AP1S3: variants seen among roughly 807,000 people sequenced by gnomAD.
AP1S3 encodes the protein AP-1 complex subunit sigma-3.
A neutral mutation model predicts 20.9 loss-of-function variants in AP1S3; 10 were observed. The ratio of observed to expected loss-of-function variants is 0.48; its 90% CI spans 0.29 to 0.81. AP1S3 has a LOEUF of 0.81. Among genes scored for constraint, AP1S3 ranks in the 30% least tolerant of loss-of-function variants. The probability of loss-of-function intolerance (pLI) is 0.08; values close to 1 mark genes in which losing one functional copy is unlikely to be tolerated. For synonymous variants in AP1S3, 41 were observed against 61.5 expected (o/e 0.67, Z 1.56); for missense variants, 154 against 183.8 (o/e 0.84, Z 0.94).
intron 1 of AP1S3, among the ~76,000 whole-genome samples, chr2:223,811,086 C>A (rs747742081): frequency 2.9e-4 from 41 of 139,632 alleles, no homozygotes; most frequent in Non-Finnish European, 5.6e-4. Context: ...GAGAAATTTA[C>A]CATCTTCACC....
intron 4 of AP1S3, among the ~76,000 whole-genome samples, chr2:223,759,313 T>C (rs1574680833): frequency 6.7e-6 from 1 of 150,272 alleles, no homozygotes; most frequent in Middle Eastern, 3.5e-3. Flanking sequence ...GAGAGAGAGA[T>C]TGAAATGCTA....
At chr2:223,796,004 C>T (rs1691328387) in intron 1 of AP1S3, among the ~76,000 whole-genome samples, 1 of 152,068 alleles carries the variant, frequency 6.6e-6, no homozygotes, top group Non-Finnish European at 1.5e-5. Context: ...GAAAGCCCTT[C>T]TCTACTAAAA....
intron 4 of AP1S3, among the ~76,000 whole-genome samples, chr2:223,762,320 T>A (rs1454405329): frequency 7.5e-6 from 1 of 133,274 alleles, no homozygotes; most frequent in African/African-American, 3.3e-5. Context: ...TCACCCAGGC[T>A]GGAGTGCAGT....
intron 1 of AP1S3, among the ~76,000 whole-genome samples, chr2:223,801,468 C>CT (rs1024930956): frequency 1.3e-5 from 2 of 151,888 alleles, no homozygotes; most frequent in African/African-American, 4.8e-5. Flanking sequence ...TCTCTTTTTT[C>CT]TTTTTTTGAG....
intron 1 of AP1S3, among the ~76,000 whole-genome samples, chr2:223,795,065 T>C (rs1691303459): frequency 6.6e-6 from 1 of 152,058 alleles, no homozygotes; most frequent in Non-Finnish European, 1.5e-5. Context: ...GGCTGACCAA[T>C]ATGGAGAAAC....
At chr2:223,792,418 C>T (rs1304486599) in intron 1 of AP1S3, among the ~76,000 whole-genome samples, 1 of 151,936 alleles carries the variant, frequency 6.6e-6, no homozygotes, top group Non-Finnish European at 1.5e-5. Context: ...ACAAACCTGA[C>T]AAAAATAAGC....
intron 3 of AP1S3, chr2:223,770,063 C>A (rs1690577604): frequency 8.0e-6 from 11 of 1,373,114 alleles, no homozygotes; most frequent in Non-Finnish European, 1.1e-5. Context: ...TTTTTAAAAA[C>A]CGTATATGTT....
intron 1 of AP1S3, among the ~76,000 whole-genome samples, chr2:223,813,784 G>T (rs1442133794): frequency 6.6e-6 from 1 of 152,168 alleles, no homozygotes; most frequent in African/African-American, 2.4e-5. Context: ...GGTAAGAAGG[G>T]AGGGGCAGCC....
At chr2:223,821,851 T>C (rs1691994085) in intron 1 of AP1S3, among the ~76,000 whole-genome samples, 2 of 152,214 alleles carry the variant, frequency 1.3e-5, no homozygotes, top group African/African-American at 4.8e-5. Flanking sequence ...TAGAGACATA[T>C]TATTATTTTC....
intron 3 of AP1S3, among the ~76,000 whole-genome samples, chr2:223,768,408 C>A (rs1690531939): frequency 6.6e-6 from 1 of 152,196 alleles, no homozygotes; most frequent in African/African-American, 2.4e-5. Flanking sequence ...CTTACATCTT[C>A]TGTGCACTAG....
chr2:223,834,087 T>C, intron 1 of AP1S3, among the ~76,000 whole-genome samples: 1 of 152,204 alleles, frequency 6.6e-6, no homozygotes, highest in South Asian at 2.1e-4. Context: ...TTTGTATTTT[T>C]AGTAGAGACA....
chr2:223,821,685 C>T (rs73991876), intron 1 of AP1S3, among the ~76,000 whole-genome samples: 21,257 of 152,098 alleles, frequency 0.14, 2,059 homozygotes, highest in East Asian at 0.41. Flanking sequence ...CCCCTCCAGC[C>T]AGCTATGGAC....
chr2:223,830,706 G>A (rs1390739737), intron 1 of AP1S3, among the ~76,000 whole-genome samples: 1 of 152,054 alleles, frequency 6.6e-6, no homozygotes, highest in Non-Finnish European at 1.5e-5. Flanking sequence ...TTTCTTACCA[G>A]CCCAGAAAAT....
intron 2 of AP1S3, among the ~76,000 whole-genome samples, chr2:223,777,118 G>A (rs924509731): frequency 6.6e-6 from 1 of 151,994 alleles, no homozygotes; most frequent in Admixed American, 6.5e-5. Context: ...AGGAATGGCC[G>A]GACATGATGG....
intron 3 of AP1S3, among the ~76,000 whole-genome samples, chr2:223,768,592 C>T (rs961999817): frequency 8.5e-5 from 13 of 152,138 alleles, no homozygotes; most frequent in African/African-American, 2.7e-4. Flanking sequence ...TGGTGGCTCA[C>T]GTCTGTAATC....
intron 1 of AP1S3, among the ~76,000 whole-genome samples, chr2:223,812,768 C>T (rs182764220): frequency 1.1e-4 from 17 of 152,100 alleles, no homozygotes; most frequent in African/African-American, 4.1e-4. Flanking sequence ...CTTTGAGTGC[C>T]ACATCTTCCT....
chr2:223,790,180 C>T (rs1027570620), intron 1 of AP1S3, among the ~76,000 whole-genome samples: 5 of 150,870 alleles, frequency 3.3e-5, no homozygotes, highest in African/African-American at 1.2e-4. Context: ...AGAGACATGA[C>T]ATTTTGACAC....
chr2:223,786,195 A>G (rs904029841), intron 1 of AP1S3, among the ~76,000 whole-genome samples: 1 of 152,254 alleles, frequency 6.6e-6, no homozygotes, highest in Non-Finnish European at 1.5e-5. Context: ...TAAGATGACA[A>G]TTACATATGC....
rs1231320856 is a variant in AP1S3, at chr2:223,755,570, AC to A, written c.*3144del. On this transcript the variant is annotated 3_prime_UTR_variant, in exon 5 of 5. Coordinates refer to ENST00000396654, the MANE Select transcript of AP1S3 (RefSeq NM_001039569.2). ...TTTTGAGACAGGGTCTCACTCTGTC[AC>A]CCGGGCTGGAGTACAGTGGCGTGAT... Among the ~76,000 whole-genome samples, 1 of 130,362 alleles carries A rather than the reference AC, an allele frequency of 7.7e-6. No individual in the cohort carries two copies. Among genetic ancestry groups the A allele is most frequent in the Non-Finnish European group, 1.5e-5 (1 of 64,762 alleles). 85.5% of individuals were successfully genotyped at this position (130,362 alleles called of 152,430 possible). A position where few individuals can be genotyped will look rare whatever the true frequency, so the allele number is the denominator to read the frequency against.
Sources: allele counts gnomAD v4.1 joint callset (sites outside exome capture counted in the v4.1 genomes callset), GRCh38; gene constraint gnomAD v4.1.1; transcripts MANE v1.5; gene names NCBI Gene and HGNC (gene_info 2026-07-23, HGNC 2026-07-21).